GAS7: variants seen among roughly 807,000 people sequenced by gnomAD.
The protein encoded by GAS7 is growth arrest-specific protein 7.
Under a neutral mutation model 71.1 loss-of-function variants are expected in GAS7, and 28 were observed. The ratio of observed to expected loss-of-function variants is 0.39; its 90% confidence interval spans 0.29 to 0.54. GAS7 has a LOEUF of 0.54. Ranked by LOEUF, GAS7 falls within the 20% of genes least tolerant of loss-of-function variation. The pLI, the probability that GAS7 is intolerant of heterozygous loss-of-function variation, is 0.62. For missense variants in GAS7, 436 were observed against 627.8 expected (o/e 0.69, Z 3.27); for synonymous variants, 258 against 245.8 (o/e 1.05, Z -0.46).
chr17:10,123,438 C>T (rs945727499), intron 1 of GAS7, among the ~76,000 whole-genome samples: 1 of 152,164 alleles, frequency 6.6e-6, no homozygotes, highest in African/African-American at 2.4e-5. Context: ...TAAAGGTCAC[C>T]CAGAATGGTT....
At chr17:9,928,818 G>C (rs1237457582) in intron 9 of GAS7, among the ~76,000 whole-genome samples, 1 of 152,212 alleles carries the variant, frequency 6.6e-6, no homozygotes, top group East Asian at 1.9e-4. Flanking sequence ...ACCTGGGCTG[G>C]GGCTGGGTGG....
intron 2 of GAS7, among the ~76,000 whole-genome samples, chr17:10,011,637 A>T (rs1025193806): frequency 6.6e-6 from 1 of 152,146 alleles, no homozygotes; most frequent in Non-Finnish European, 1.5e-5. Context: ...TTAACACTCA[A>T]TCCTTGCATC....
At chr17:10,021,541 T>C (rs1194541936) in intron 1 of GAS7, among the ~76,000 whole-genome samples, 1 of 152,218 alleles carries the variant, frequency 6.6e-6, no homozygotes, top group Non-Finnish European at 1.5e-5. Flanking sequence ...AGCTTTCCCC[T>C]ATGCCCTGGA....
intron 1 of GAS7, among the ~76,000 whole-genome samples, chr17:10,050,072 T>C (rs1240160023): frequency 2.0e-5 from 3 of 152,226 alleles, no homozygotes; most frequent in African/African-American, 7.2e-5. Flanking sequence ...TTTTCTATAA[T>C]GAGCATATTA....
At chr17:10,005,175 A>ATG (rs2071454055) in intron 2 of GAS7, among the ~76,000 whole-genome samples, 2 of 150,928 alleles carry the variant, frequency 1.3e-5, no homozygotes, top group African/African-American at 4.9e-5. Flanking sequence ...GCACGCATGC[A>ATG]TGTATGTGTA....
chr17:10,041,791 C>T (rs576288942), intron 1 of GAS7, among the ~76,000 whole-genome samples: 4 of 152,292 alleles, frequency 2.6e-5, no homozygotes, highest in East Asian at 1.9e-4. Context: ...GCCACACACA[C>T]GAACGGCAGA....
chr17:10,083,264 A>C (rs2073477718), intron 1 of GAS7, among the ~76,000 whole-genome samples: 2 of 152,254 alleles, frequency 1.3e-5, no homozygotes, highest in Non-Finnish European at 2.9e-5. Flanking sequence ...GTGATGGCTC[A>C]TGCCTGTAAT....
chr17:9,977,003 G>A (rs2070232168), intron 3 of GAS7, among the ~76,000 whole-genome samples: 1 of 152,140 alleles, frequency 6.6e-6, no homozygotes, highest in Admixed American at 6.5e-5. Flanking sequence ...AAAAGGACAT[G>A]AATGGAAAAA....
At chr17:10,142,030 C>A (rs2074086061) in intron 1 of GAS7, among the ~76,000 whole-genome samples, 1 of 151,868 alleles carries the variant, frequency 6.6e-6, no homozygotes, top group African/African-American at 2.4e-5. Flanking sequence ...AGATCAAGAC[C>A]ATCCTGGCTA....
At chr17:10,165,312 G>C (rs200336456) in intron 1 of GAS7, among the ~76,000 whole-genome samples, 1 of 124,470 alleles carries the variant, frequency 8.0e-6, no homozygotes, top group Non-Finnish European at 1.7e-5. Context: ...AAAAAAAAAA[G>C]AAAACAAAAG....
intron 2 of GAS7, among the ~76,000 whole-genome samples, chr17:10,002,453 C>G (rs922292150): frequency 2.0e-5 from 3 of 151,822 alleles, no homozygotes; most frequent in Non-Finnish European, 4.4e-5. Flanking sequence ...GGTACATGTG[C>G]ACAACATGCA....
intron 1 of GAS7, among the ~76,000 whole-genome samples, chr17:10,093,389 G>C (rs2073605633): frequency 6.6e-6 from 1 of 151,568 alleles, no homozygotes; most frequent in African/African-American, 2.4e-5. Flanking sequence ...GGCTAACATG[G>C]TAAAACCCAG....
chr17:10,070,341 CTTTTTTTTTT>C (rs71365713), intron 1 of GAS7, among the ~76,000 whole-genome samples: 5 of 106,134 alleles, frequency 4.7e-5, no homozygotes, highest in Admixed American at 2.4e-4. Flanking sequence ...TCTCTCTCTT[CTTTTTTTTTT>C]TTTTTTTTTT....
intron 5 of GAS7, among the ~76,000 whole-genome samples, chr17:9,952,519 G>A (rs149465608): frequency 0.031 from 4,658 of 152,238 alleles, 221 homozygotes; most frequent in African/African-American, 0.11. Context: ...AGCCTCGCGA[G>A]TAGCTGGGAT....
At chr17:10,144,159 T>C (rs11655183) in intron 1 of GAS7, among the ~76,000 whole-genome samples, 121,855 of 151,944 alleles carry the variant, frequency 0.8, 49,322 homozygotes, top group Middle Eastern at 0.86. Context: ...GACTGTGGGG[T>C]ACAGAGAAGG....
chr17:10,033,730 GC>G (rs1445680717), intron 1 of GAS7, among the ~76,000 whole-genome samples: 1 of 152,230 alleles, frequency 6.6e-6, no homozygotes, highest in Non-Finnish European at 1.5e-5. Context: ...CGGCCCGCCT[GC>G]ACCTGCGATC....
Position 9,926,812 on chromosome 17 carries a change from A to G in GAS7, c.886-43T>C. On this transcript the variant is annotated intron_variant, in intron 9 of 13. Coordinates refer to ENST00000432992, the MANE Select transcript of GAS7 (RefSeq NM_201433.2). This position sits in a 1 kb window ranked among gnomAD's most constrained non-coding sequence, Gnocchi z 5.0. ...ACGCACACTCAGGACCCAGGGCATC[A>G]GCTGTAAGCCAGTGCAGGGAGGAGG... 1.2e-6 allele frequency: 2 copies of G among 1,612,084 alleles called. No homozygotes were observed. Among genetic ancestry groups the G allele is most frequent in the Non-Finnish European group, 1.7e-6 (2 of 1,178,326 alleles).
At chr17:10,121,398 T>G (rs535391573) in intron 1 of GAS7, among the ~76,000 whole-genome samples, 34 of 152,084 alleles carry the variant, frequency 2.2e-4, no homozygotes, top group Admixed American at 2.0e-3. Flanking sequence ...AAATAAAAAA[T>G]TTAAAAATTT....
rs139691620 is a variant in GAS7 at position 10,058,653 on chromosome 17, A to G, written c.184-38756T>C. Among the ~76,000 whole-genome samples, 338 of 152,252 alleles carry G rather than the reference A, an allele frequency of 2.2e-3. 1 individual carries two copies. The highest frequency in any genetic ancestry group is 7.4e-3 in the African/African-American group (307 of 41,532). Reference sequence around the variant, plus strand: ...TCCTCTCCCAGACTCAGGAGAACAGAGCTGTGGCCTGCTATGGTGAGATGC... The same window carrying G: ...TCCTCTCCCAGACTCAGGAGAACAGGGCTGTGGCCTGCTATGGTGAGATGC... On this transcript the variant is annotated intron_variant, in intron 1 of 13. Transcript: ENST00000432992.
Sources: allele counts gnomAD v4.1 joint callset (sites outside exome capture counted in the v4.1 genomes callset), GRCh38; gene constraint gnomAD v4.1.1; non-coding constraint Gnocchi (gnomAD v3.1); transcripts MANE v1.5; gene names NCBI Gene and HGNC (gene_info 2026-07-23, HGNC 2026-07-21).